The following CTDP1 variants were observed in gnomAD, a reference collection of about 807,000 sequenced individuals.
CTDP1 encodes the protein CTD phosphatase 1, also known as RNA polymerase II subunit A C-terminal domain phosphatase.
A neutral mutation model predicts 91.8 loss-of-function variants in CTDP1; 47 were observed. The ratio of observed to expected loss-of-function variants is 0.51; its 90% confidence interval spans 0.41 to 0.65. The LOEUF (loss-of-function observed/expected upper bound fraction) is 0.65, where lower values mean the gene tolerates loss of function less well. Among genes scored for constraint, CTDP1 ranks in the 30% least tolerant of loss-of-function variants. CTDP1 has a pLI of 0.00. For missense variants in CTDP1, 1,272 were observed against 1,373.7 expected (o/e 0.93, Z 1.17); for synonymous variants, 656 against 598.5 (o/e 1.10, Z -1.40).
intron 11 of CTDP1, among the ~76,000 whole-genome samples, chr18:79,732,625 A>G (rs535112767): frequency 3.4e-4 from 51 of 151,564 alleles, no homozygotes; most frequent in African/African-American, 1.1e-3. Context: ...TAACATCAGG[A>G]GTGCTCCCAA....
Position 79,731,880 on chromosome 18 carries a change from C to T in CTDP1, c.2580+2811C>T, listed in dbSNP as rs188864166. ...CCCAAGATCACATGAGATGTAAGAA[C>T]TCACTAACATCAGGAGTGCTCCCAA... On this transcript the variant is annotated intron_variant, in intron 11 of 12. Transcript: ENST00000613122. 4.6e-5 allele frequency among the ~76,000 whole-genome samples: 7 copies of T among 152,252 alleles called. No homozygotes were observed. The East Asian group carries it at 1.4e-3, about 29-fold the overall frequency.
chr18:79,743,997 A>G (rs1297276709), intron 12 of CTDP1, among the ~76,000 whole-genome samples: 1 of 152,000 alleles, frequency 6.6e-6, no homozygotes, highest in East Asian at 1.9e-4. Flanking sequence ...CTCAGGGCAA[A>G]CCCGCCACCC....
chr18:79,736,879 C>T (rs1011638345), intron 12 of CTDP1, among the ~76,000 whole-genome samples: 5 of 132,526 alleles, frequency 3.8e-5, no homozygotes, highest in African/African-American at 1.1e-4. Context: ...TCTACACGTG[C>T]GCACAGGCGT....
At chr18:79,730,331 G>A (rs1216529750) in intron 11 of CTDP1, among the ~76,000 whole-genome samples, 2 of 152,202 alleles carry the variant, frequency 1.3e-5, no homozygotes, top group Non-Finnish European at 2.9e-5. Context: ...AGAGGAGGGA[G>A]GGACGCTGCC....
In CTDP1 at chr18:79,753,841, G is replaced by A. The variant is rs76088733; in HGVS notation, c.*51G>A. ...GCCTGACCGACCTCCAGCAGCACTC[G>A]GACGTCCCCGGACCAGCCCTCAGTC... On this transcript the variant is annotated 3_prime_UTR_variant, in exon 13 of 13. Transcript: ENST00000613122. 0.22 allele frequency: 348,474 copies of A among 1,589,882 alleles called. 40,622 individuals are homozygous for A. The highest frequency in any genetic ancestry group is 0.24 in the Non-Finnish European group (284,107 of 1,169,310).
intron 6 of CTDP1, among the ~76,000 whole-genome samples, chr18:79,710,916 C>T (rs1296941940): frequency 6.6e-6 from 1 of 152,040 alleles, no homozygotes; most frequent in Non-Finnish European, 1.5e-5. Context: ...TTGTTAGCCT[C>T]AGAATACTTA....
chr18:79,747,775 G>T (rs1489827829), intron 12 of CTDP1, among the ~76,000 whole-genome samples: 1 of 152,206 alleles, frequency 6.6e-6, no homozygotes, highest in African/African-American at 2.4e-5. Flanking sequence ...GAGCAGCACT[G>T]GTCTTCCCTT....
At chr18:79,685,976 G>A (rs2085485226) in intron 1 of CTDP1, among the ~76,000 whole-genome samples, 1 of 152,238 alleles carries the variant, frequency 6.6e-6, no homozygotes, top group Non-Finnish European at 1.5e-5. Flanking sequence ...AAAATTTGGG[G>A]GGCTGTCACT....
chr18:79,750,474 G>A lies in CTDP1; in HGVS notation c.2748-3178G>A, dbSNP rs575493901. Among the ~76,000 whole-genome samples, 3 of 151,324 alleles carry A rather than the reference G, an allele frequency of 2.0e-5. No homozygotes were observed. In the South Asian group the frequency reaches 6.3e-4, roughly 32 times the overall value. ...AAACTTGGACGGCAGGTATTAGGGC[G>A]TGCACTTCCCGCTACTCTGCCTTTT... On this transcript the variant is annotated intron_variant, in intron 12 of 12. Coordinates refer to ENST00000613122, the MANE Select transcript of CTDP1 (RefSeq NM_004715.5).
chr18:79,726,601 A>AT (rs35457671), intron 10 of CTDP1, among the ~76,000 whole-genome samples: 42 of 149,210 alleles, frequency 2.8e-4, no homozygotes, highest in African/African-American at 8.1e-4. Context: ...CCCATCACTG[A>AT]TTTTTTTTTT....
intron 3 of CTDP1, 120 bp downstream of exon 3, chr18:79,696,190 A>C (rs576144766): frequency 8.5e-6 from 7 of 822,346 alleles, no homozygotes. Flanking sequence ...TACTGAAACA[A>C]CCCCTCATCA....
At chr18:79,726,103 C>A (rs2086439005) in intron 10 of CTDP1, among the ~76,000 whole-genome samples, 1 of 152,130 alleles carries the variant, frequency 6.6e-6, no homozygotes. Context: ...GCCATCTCTG[C>A]CATGCTGGGA....
intron 4 of CTDP1, chr18:79,702,574 A>G (rs1046182863): frequency 3.3e-5 from 5 of 152,140 alleles, no homozygotes; most frequent in Admixed American, 6.5e-5. Flanking sequence ...GGGTTGTGCC[A>G]TATTGGCCAG....
At chr18:79,750,164 G>A (rs560960698) in intron 12 of CTDP1, among the ~76,000 whole-genome samples, 33 of 152,278 alleles carry the variant, frequency 2.2e-4, no homozygotes, top group African/African-American at 7.9e-4. Context: ...GGAAGCAGGT[G>A]CACAGAAAAG....
Position 79,721,832 on chromosome 18 carries a change from T to A in CTDP1, c.2417+3816T>A, listed in dbSNP as rs115374962. Reference sequence around the variant, plus strand: ...TTTTCTTCAGTATTTTTATTTATTTTTTTTTTTTTGAGACGGAATCTTGCT... The same window carrying A: ...TTTTCTTCAGTATTTTTATTTATTTATTTTTTTTTGAGACGGAATCTTGCT... On this transcript the variant is annotated intron_variant, in intron 10 of 12. Coordinates refer to ENST00000613122, the MANE Select transcript of CTDP1 (RefSeq NM_004715.5). Among the ~76,000 whole-genome samples, 1,005 of 145,396 alleles carry A rather than the reference T, an allele frequency of 6.9e-3. 7 individuals carry two copies. Among genetic ancestry groups the A allele is most frequent in the African/African-American group, 0.014 (500 of 35,290 alleles).
Position 79,714,590 on chromosome 18 carries a change from T to C in CTDP1, c.1130T>C (p.Leu377Pro). ...QAPGVEPSNGLEKPARELNGS... is the reference protein window; with the variant it reads ...QAPGVEPSNGPEKPARELNGS... ...CCTGGAGTGGAGCCCAGCAATGGCCTGGAGAAGCCTGCACGGGAGCTGAAC... is the reference window on the plus strand; with the variant it reads ...CCTGGAGTGGAGCCCAGCAATGGCCCGGAGAAGCCTGCACGGGAGCTGAAC... The change falls in exon 8 of 13, where the codon CTG (leucine) becomes CCG (proline). Residue 377 changes from leucine (L) to proline (P), a missense_variant. Leu to Pro is a moderately conservative substitution (Grantham distance 98, BLOSUM62 -3). Around this residue, in one of 3 missense-constraint regions of CTDP1, gnomAD observed 881 missense variants for 911.6 expected, o/e 0.97. Coordinates refer to ENST00000613122, the MANE Select transcript of CTDP1 (RefSeq NM_004715.5). The C allele has an allele frequency of 6.2e-7, 1 of 1,613,036 alleles. No individual in the cohort carries two copies. Among genetic ancestry groups the C allele is most frequent in the Non-Finnish European group, 8.5e-7 (1 of 1,180,026 alleles).
intron 1 of CTDP1, among the ~76,000 whole-genome samples, chr18:79,690,903 G>A (rs1363279738): frequency 2.0e-5 from 3 of 152,206 alleles, no homozygotes; most frequent in Non-Finnish European, 2.9e-5. Context: ...GCCAGTATGC[G>A]AGTGATTTTC....
intron 1 of CTDP1, among the ~76,000 whole-genome samples, chr18:79,681,777 A>G (rs1328289695): frequency 6.6e-6 from 1 of 152,176 alleles, no homozygotes; most frequent in Non-Finnish European, 1.5e-5. Flanking sequence ...CTCTGGTTCC[A>G]GGAGGCTCAT....
In CTDP1 at chr18:79,717,962, G is replaced by A; in HGVS notation, c.2363G>A (p.Gly788Glu). The change falls in exon 10 of 13, where the codon GGG becomes GAG. Residue 788 changes from glycine to glutamate, a missense_variant. This residue lies in a region of CTDP1 where 881 missense variants were observed against 911.6 expected (regional missense o/e 0.97). Coordinates refer to ENST00000613122, the MANE Select transcript of CTDP1 (RefSeq NM_004715.5). ...TGKLIRTGAR[G>E]PPAPSSSLPI... The stretch of plus-strand genomic sequence containing the variant: ...AAGCTCATCAGGACGGGCGCCCGGG[G>A]GCCCCCAGCACCCTCCAGCTCCCTA... 3.1e-6 allele frequency: 5 copies of A among 1,613,484 alleles called. No homozygotes were observed. The highest frequency in any genetic ancestry group is 4.2e-6 in the Non-Finnish European group (5 of 1,179,978).
Sources: gnomAD v4.1 joint callset for allele counts (sites outside exome capture counted in the v4.1 genomes callset) on GRCh38, gnomAD v4.1.1 for gene constraint, gnomAD v4.1.1 regional missense constraint, MANE v1.5 for transcripts, NCBI Gene and HGNC (gene_info 2026-07-23, HGNC 2026-07-21) for gene names.